The following ZNF337 variants were observed in gnomAD, a reference collection of about 807,000 sequenced individuals.
ZNF337 encodes zinc finger protein 337.
Under a neutral mutation model 12.1 loss-of-function variants are expected in ZNF337, and 8 were observed. The ratio of observed to expected loss-of-function variants is 0.66; its 90% CI spans 0.39 to 1.19. ZNF337 has a LOEUF of 1.19. Ranked by LOEUF, ZNF337 falls within the 50% of genes most tolerant of loss-of-function variation. The pLI is 0.01. For missense variants in ZNF337, 882 were observed against 896.6 expected (o/e 0.98, Z 0.21); for synonymous variants, 336 against 320.0 (o/e 1.05, Z -0.53).
chr20:25,695,541 C>T (rs1053102557), intron 1 of ZNF337, among the ~76,000 whole-genome samples: 1 of 152,108 alleles, frequency 6.6e-6, no homozygotes, highest in South Asian at 2.1e-4. Flanking sequence ...GTATATCTTT[C>T]TCTTATTGAT....
chr20:25,689,235 C>G (rs1422646339), intron 1 of ZNF337, among the ~76,000 whole-genome samples: 1 of 151,844 alleles, frequency 6.6e-6, no homozygotes, highest in East Asian at 1.9e-4. Flanking sequence ...ACGTGGGAGG[C>G]AGAGCTTGCA....
chr20:25,693,702 T>C (rs2065898903), intron 1 of ZNF337, among the ~76,000 whole-genome samples: 1 of 152,112 alleles, frequency 6.6e-6, no homozygotes, highest in Non-Finnish European at 1.5e-5. Context: ...TGGGACAGTG[T>C]AGGGCACAAG....
chr20:25,682,014 TC>T (rs2065774656), intron 4 of ZNF337, among the ~76,000 whole-genome samples: 1 of 152,184 alleles, frequency 6.6e-6, no homozygotes, highest in African/African-American at 2.4e-5. Flanking sequence ...AGGTGTTCAT[TC>T]TATAAGCCTT....
chr20:25,676,619 C>T lies in ZNF337; in HGVS notation c.669G>A (p.Leu223=). 1.9e-6 allele frequency: 3 copies of T among 1,614,088 alleles called. No homozygotes were observed. The highest frequency in any genetic ancestry group is 2.5e-6 in the Non-Finnish European group (3 of 1,179,970). Reference sequence around the variant, plus strand: ...CTGTGTGTGTGTTCTGGTGCAAGAGCAATGCTGACTCATCTCTAAAGCCCT... The same window carrying T: ...CTGTGTGTGTGTTCTGGTGCAAGAGTAATGCTGACTCATCTCTAAAGCCCT... ...CHQGFRDESA[L]LLHQNTHTGE... is the part of the protein sequence containing the mutation. The change falls in exon 5 of 5, where the codon TTG becomes TTA. Residue 223 remains leucine, a synonymous_variant. Coordinates refer to ENST00000252979, the MANE Select transcript of ZNF337 (RefSeq NM_015655.4).
At chr20:25,686,568 C>T in intron 1 of ZNF337, 102 bp from the exon 2 acceptor site, 1 of 847,896 alleles carries the variant, frequency 1.2e-6, no homozygotes, top group South Asian at 1.7e-5. Context: ...GGGGAGGGCG[C>T]ACCTGCACAA....
intron 4 of ZNF337, among the ~76,000 whole-genome samples, chr20:25,680,360 C>T (rs2065755640): frequency 6.6e-6 from 1 of 151,978 alleles, no homozygotes; most frequent in African/African-American, 2.4e-5. Context: ...ACCACATCTA[C>T]TCCATAAATA....
intron 4 of ZNF337, among the ~76,000 whole-genome samples, chr20:25,683,716 AG>A (rs2065794592): frequency 6.6e-6 from 1 of 152,156 alleles, no homozygotes; most frequent in Admixed American, 6.5e-5. Flanking sequence ...GGTGCTGGAG[AG>A]GATGTGGAGA....
intron 4 of ZNF337, among the ~76,000 whole-genome samples, chr20:25,680,287 G>T (rs781709914): frequency 1.2e-4 from 18 of 152,066 alleles, no homozygotes; most frequent in Non-Finnish European, 2.4e-4. Context: ...ACAGAGAAAT[G>T]ATAAATATTT....
At chr20:25,679,824 A>C (rs529123829) in intron 4 of ZNF337, among the ~76,000 whole-genome samples, 1 of 152,260 alleles carries the variant, frequency 6.6e-6, no homozygotes, top group African/African-American at 2.4e-5. Flanking sequence ...AAGAAAAGGA[A>C]ATCAGTATGG....
intron 1 of ZNF337, among the ~76,000 whole-genome samples, chr20:25,695,616 A>G (rs1030332145): frequency 2.0e-5 from 3 of 152,202 alleles, no homozygotes; most frequent in African/African-American, 7.2e-5. Flanking sequence ...AGTGCAGCCA[A>G]CATAGCTGGT....
In ZNF337 at chr20:25,674,338, C is replaced by T. The variant is rs1035174585; in HGVS notation, c.*694G>A. The stretch of plus-strand genomic sequence containing the variant: ...TTTCCAAGATGATGCCTTCATGCTG[C>T]ATCTTTTGGAAGGGAGGAGCATTGT... On this transcript the variant is annotated 3_prime_UTR_variant, in exon 5 of 5. Coordinates refer to ENST00000252979, the MANE Select transcript of ZNF337 (RefSeq NM_015655.4). The T allele has an allele frequency of 1.3e-5, 2 of 152,082 alleles. No homozygotes were observed. The highest frequency in any genetic ancestry group is 2.9e-5 in the Non-Finnish European group (2 of 68,066). 9.4% of individuals were successfully genotyped at this position (152,082 alleles called of 1,614,324 possible).
intron 4 of ZNF337, among the ~76,000 whole-genome samples, chr20:25,684,259 C>T (rs537646041): frequency 2.5e-4 from 38 of 150,294 alleles, no homozygotes; most frequent in South Asian, 1.7e-3. Context: ...TGCTAAATGA[C>T]GAGTTAATGG....
intron 1 of ZNF337, among the ~76,000 whole-genome samples, chr20:25,694,455 C>T (rs1399616603): frequency 6.6e-6 from 1 of 152,128 alleles, no homozygotes; most frequent in East Asian, 1.9e-4. Context: ...TATATCTTGA[C>T]TGATGGGTCT....
In ZNF337 at chr20:25,676,801, TA is replaced by T; in HGVS notation, c.486del (p.Thr163GlnfsTer3). On this transcript the variant is annotated frameshift_variant, in exon 5 of 5. Coordinates refer to ENST00000252979, the MANE Select transcript of ZNF337 (RefSeq NM_015655.4). LOFTEE classifies it low-confidence loss of function (END_TRUNC). ...CCTTTCAATACTTTGTCTATTTCTGTAGGATTTTCCCTCTGGCCTTGACTAG... is the reference window on the plus strand; with the variant it reads ...CCTTTCAATACTTTGTCTATTTCTGTGGATTTTCCCTCTGGCCTTGACTAG... ...IESSQGQRENPTEIDKVLKGI... is the reference protein window; with the variant it reads ...IESSQGQRENXTEIDKVLKGI... 1 of 1,614,232 alleles carries T rather than the reference TA, an allele frequency of 6.2e-7. No homozygotes were observed. The highest frequency in any genetic ancestry group is 8.5e-7 in the Non-Finnish European group (1 of 1,180,030).
chr20:25,696,721 G>A (rs761004329), intron 1 of ZNF337, 38 bp downstream of exon 1: 19 of 984,754 alleles, frequency 1.9e-5, no homozygotes, highest in African/African-American at 3.5e-5. Context: ...CGCCGGAAGG[G>A]CGCGCTGCAG....
intron 1 of ZNF337, among the ~76,000 whole-genome samples, 193 bp downstream of exon 1, chr20:25,696,566 G>T (rs1174165605): frequency 2.6e-5 from 4 of 152,324 alleles, no homozygotes; most frequent in Non-Finnish European, 5.9e-5. Flanking sequence ...GGGGCGCTCG[G>T]CAAGCCGCAG....
chr20:25,696,069 G>A (rs1216081184), intron 1 of ZNF337, among the ~76,000 whole-genome samples: 1 of 145,656 alleles, frequency 6.9e-6, no homozygotes, highest in Non-Finnish European at 1.5e-5. Context: ...ACCTCCCGCG[G>A]ACGCTGCCCC....
intron 1 of ZNF337, among the ~76,000 whole-genome samples, chr20:25,696,244 G>A (rs957661006): frequency 5.3e-5 from 8 of 152,146 alleles, no homozygotes; most frequent in African/African-American, 1.7e-4. Flanking sequence ...GTCCTCCCCT[G>A]TCCCGCCTCC....
intron 1 of ZNF337, among the ~76,000 whole-genome samples, chr20:25,687,767 A>AT: frequency 1.3e-5 from 2 of 152,342 alleles, no homozygotes; most frequent in South Asian, 4.1e-4. Flanking sequence ...TAAAGTGCTG[A>AT]TTTACTGAGT....
Sources: gnomAD v4.1 joint callset for allele counts (sites outside exome capture counted in the v4.1 genomes callset) on GRCh38, gnomAD v4.1.1 for gene constraint, MANE v1.5 for transcripts, NCBI Gene and HGNC (gene_info 2026-07-23, HGNC 2026-07-21) for gene names.